The following MAGI3 variants were observed in gnomAD, a reference collection of about 807,000 sequenced individuals.
MAGI3 encodes membrane associated guanylate kinase, WW and PDZ domain containing 3, also known as membrane-associated guanylate kinase, WW and PDZ domain-containing protein 3.
A neutral mutation model predicts 121.8 loss-of-function variants in MAGI3; 43 were observed. The observed-to-expected ratio is 0.35, with a 90% CI of 0.28 to 0.46. The LOEUF (loss-of-function observed/expected upper bound fraction) is 0.46. MAGI3 is among the 20% of genes least tolerant of loss of function. The probability of loss-of-function intolerance (pLI) is 1.00; values close to 1 mark genes in which losing one functional copy is unlikely to be tolerated. For missense variants in MAGI3, 1,547 were observed against 1,797.3 expected, an observed-to-expected ratio of 0.86 and a Z score of 2.52; for synonymous variants, 553 against 639.3, an observed-to-expected ratio of 0.86 and a Z score of 2.04.
intron 2 of MAGI3, among the ~76,000 whole-genome samples, chr1:113,578,712 G>A (rs952922588): frequency 3.9e-5 from 6 of 151,920 alleles, no homozygotes; most frequent in Non-Finnish European, 7.4e-5. Context: ...TAACAATGTA[G>A]TTTTGGTCAA....
intron 1 of MAGI3, among the ~76,000 whole-genome samples, chr1:113,456,740 A>G (rs1272522079): frequency 6.6e-6 from 1 of 152,230 alleles, no homozygotes; most frequent in Non-Finnish European, 1.5e-5. Flanking sequence ...CAGTTAAAGA[A>G]AAACAAAGAA....
intron 6 of MAGI3, among the ~76,000 whole-genome samples, chr1:113,604,565 C>CAAAAAAAAA (rs59047770): frequency 4.0e-4 from 25 of 62,008 alleles, no homozygotes; most frequent in East Asian, 3.6e-3. Flanking sequence ...GTCTCCATCT[C>CAAAAAAAAA]AAAAAAAAAA....
At chr1:113,456,004 G>A (rs929558020) in intron 1 of MAGI3, among the ~76,000 whole-genome samples, 1 of 151,482 alleles carries the variant, frequency 6.6e-6, no homozygotes, top group Non-Finnish European at 1.5e-5. Context: ...AGGCTGGAGT[G>A]CAGTGGCATG....
chr1:113,537,598 T>C (rs867744209), intron 1 of MAGI3, among the ~76,000 whole-genome samples: 13 of 152,196 alleles, frequency 8.5e-5, no homozygotes, highest in Admixed American at 3.3e-4. Flanking sequence ...TATTCAGAGT[T>C]TGCAAAACGT....
In MAGI3 at chr1:113,610,765, G is replaced by C. The variant is rs139556542; in HGVS notation, c.1019-3836G>C. Among the ~76,000 whole-genome samples, 892 of 152,042 alleles carry C rather than the reference G, an allele frequency of 5.9e-3. 9 individuals are homozygous for C. Among genetic ancestry groups the C allele is most frequent in the African/African-American group, 0.02 (846 of 41,492 alleles). On this transcript the variant is annotated intron_variant, in intron 6 of 20. Transcript: ENST00000307546. ...ATCCTGGCCAACATGGTAAAACCCT[G>C]TCTACTAAAATACAAAAAATTAGCT...
At chr1:113,682,098 T>G in intron 20 of MAGI3, 1 of 1,227,688 alleles carries the variant, frequency 8.1e-7, no homozygotes, top group Non-Finnish European at 1.1e-6. Flanking sequence ...TCTGACTGTA[T>G]TATCTTCCAC....
chr1:113,678,118 T>C (rs1647991404), intron 19 of MAGI3, among the ~76,000 whole-genome samples: 1 of 151,368 alleles, frequency 6.6e-6, no homozygotes, highest in African/African-American at 2.5e-5. Flanking sequence ...TTGTTGTTTT[T>C]TTTTTTTGCA....
intron 2 of MAGI3, among the ~76,000 whole-genome samples, chr1:113,570,629 T>A (rs1486925039): frequency 6.6e-6 from 1 of 152,244 alleles, no homozygotes; most frequent in Non-Finnish European, 1.5e-5. Flanking sequence ...GATTTGCATC[T>A]CTGTAATGAC....
intron 9 of MAGI3, among the ~76,000 whole-genome samples, chr1:113,630,720 A>G (rs1331000755): frequency 6.6e-6 from 1 of 151,818 alleles, no homozygotes; most frequent in African/African-American, 2.4e-5. Context: ...GAGTTCAATG[A>G]AAAGTCCATC....
chr1:113,652,339 G>A (rs1253740310), intron 14 of MAGI3, among the ~76,000 whole-genome samples: 1 of 152,164 alleles, frequency 6.6e-6, no homozygotes, highest in Non-Finnish European at 1.5e-5. Flanking sequence ...TGCCTGTCTG[G>A]TACAAAGTGG....
rs562091018 is a variant in MAGI3 at position 113,544,092 on chromosome 1, G to A, written c.317-5423G>A. 2.0e-4 allele frequency among the ~76,000 whole-genome samples: 30 copies of A among 152,284 alleles called. 2 individuals are homozygous for A. In the South Asian group the frequency reaches 6.0e-3, roughly 31 times the overall value. ...GTATAGATACTGATTATCTAGAAAA[G>A]CATTGTAAATACTTTTATTTTTACA... On this transcript the variant is annotated intron_variant, in intron 1 of 20. Coordinates refer to ENST00000307546, the MANE Select transcript of MAGI3 (RefSeq NM_001142782.2).
At chr1:113,506,729 G>T (rs915851705) in intron 1 of MAGI3, among the ~76,000 whole-genome samples, 1 of 152,212 alleles carries the variant, frequency 6.6e-6, no homozygotes, top group African/African-American at 2.4e-5. Context: ...CTTATAGGAA[G>T]AAGTATAGGC....
chr1:113,581,105 A>G (rs1647996791), intron 3 of MAGI3: 1 of 152,296 alleles, frequency 6.6e-6, no homozygotes, highest in Non-Finnish European at 1.5e-5. Context: ...TTTTCTTTTC[A>G]TTTCTGTTTC....
At chr1:113,520,878 A>AG (rs1329881472) in intron 1 of MAGI3, among the ~76,000 whole-genome samples, 3 of 152,090 alleles carry the variant, frequency 2.0e-5, no homozygotes, top group Non-Finnish European at 2.9e-5. Flanking sequence ...CTGGGATTAC[A>AG]GGTGTGAGCC....
At chr1:113,681,412 GGA>G in intron 20 of MAGI3, 76 bp downstream of exon 20, 1 of 1,470,710 alleles carries the variant, frequency 6.8e-7, no homozygotes. Context: ...ATATATATTT[GGA>G]GAGGATAGAT....
intron 1 of MAGI3, among the ~76,000 whole-genome samples, chr1:113,444,698 A>C (rs996852439): frequency 2.6e-5 from 4 of 152,206 alleles, no homozygotes; most frequent in African/African-American, 9.6e-5. Flanking sequence ...AAAAATGACA[A>C]GGCATACAAA....
chr1:113,571,665 G>A (rs1180386541), intron 2 of MAGI3, among the ~76,000 whole-genome samples: 1 of 152,158 alleles, frequency 6.6e-6, no homozygotes, highest in Non-Finnish European at 1.5e-5. Flanking sequence ...TTGTGCATGG[G>A]AGTTCACTCA....
In MAGI3 at chr1:113,568,990, G is replaced by A. The variant is rs371563064; in HGVS notation, c.434-11552G>A. Among the ~76,000 whole-genome samples the A allele has an allele frequency of 1.1e-4, 17 of 152,160 alleles. No individual in the cohort carries two copies. In the South Asian group the frequency reaches 3.5e-3, roughly 32 times the overall value. On this transcript the variant is annotated intron_variant, in intron 2 of 20. Coordinates refer to ENST00000307546, the MANE Select transcript of MAGI3 (RefSeq NM_001142782.2). Reference sequence around the variant, plus strand: ...TCAAAATACAATTTCTTAAAAAGGTGAAAAAATCAGAATGTGACAAGATAC... The same window carrying A: ...TCAAAATACAATTTCTTAAAAAGGTAAAAAAATCAGAATGTGACAAGATAC...
At chr1:113,581,428 A>C (rs1570896848) in intron 3 of MAGI3, among the ~76,000 whole-genome samples, 1 of 152,190 alleles carries the variant, frequency 6.6e-6, no homozygotes, top group East Asian at 1.9e-4. Flanking sequence ...TATCCAAAAG[A>C]GAAATTCTTC....
Sources: allele counts gnomAD v4.1 joint callset (sites outside exome capture counted in the v4.1 genomes callset), GRCh38; gene constraint gnomAD v4.1.1; transcripts MANE v1.5; gene names NCBI Gene and HGNC (gene_info 2026-07-23, HGNC 2026-07-21).